MAST4: variants seen among roughly 807,000 people sequenced by gnomAD.
The protein encoded by MAST4 is microtubule-associated serine/threonine-protein kinase 4.
MAST4 carries 89 observed loss-of-function variants against 162.7 expected under a neutral mutation model. The observed-to-expected ratio is 0.55, with a 90% CI of 0.46 to 0.65. The LOEUF is 0.65. Ranked by LOEUF, MAST4 falls within the 30% of genes least tolerant of loss-of-function variation. The probability of loss-of-function intolerance (pLI) is 0.00; values close to 1 mark genes in which losing one functional copy is unlikely to be tolerated. For synonymous variants in MAST4, 1,479 were observed against 1,361.1 expected (o/e 1.09, Z -1.91); for missense variants, 3,153 against 3,374.0 (o/e 0.93, Z 1.62).
chr5:66,893,594 C>T (rs1267892283), intron 3 of MAST4, among the ~76,000 whole-genome samples: 1 of 152,024 alleles, frequency 6.6e-6, no homozygotes, highest in Non-Finnish European at 1.5e-5. Flanking sequence ...ATTATAGATA[C>T]AAAAAGAAAA....
chr5:66,601,499 T>A (rs1742548037), intron 1 of MAST4, among the ~76,000 whole-genome samples: 1 of 152,182 alleles, frequency 6.6e-6, no homozygotes, highest in African/African-American at 2.4e-5. Context: ...GCTGCACTTG[T>A]AAGTCACTGA....
intron 3 of MAST4, among the ~76,000 whole-genome samples, chr5:66,838,326 G>T (rs1183554368): frequency 1.3e-5 from 2 of 152,116 alleles, no homozygotes; most frequent in African/African-American, 2.4e-5. Flanking sequence ...TTTAGATTGT[G>T]AATGTATGTG....
At chr5:67,122,539 A>G (rs1287488670) in intron 14 of MAST4, among the ~76,000 whole-genome samples, 1 of 152,164 alleles carries the variant, frequency 6.6e-6, no homozygotes, top group Non-Finnish European at 1.5e-5. Flanking sequence ...TGTGGTTTCT[A>G]CTTGCTTATC....
chr5:66,738,608 G>A (rs543139197), intron 1 of MAST4, among the ~76,000 whole-genome samples: 117 of 152,296 alleles, frequency 7.7e-4, no homozygotes, highest in African/African-American at 2.4e-3. Flanking sequence ...TAGGTACGGC[G>A]GAGGAGAATA....
chr5:66,917,180 A>G, intron 4 of MAST4: 1 of 534,392 alleles, frequency 1.9e-6, no homozygotes, highest in East Asian at 2.9e-5. Flanking sequence ...TTTAAATTGC[A>G]TTTCCTTCAC....
chr5:66,913,929 A>G (rs1763938856), intron 4 of MAST4, among the ~76,000 whole-genome samples: 1 of 152,182 alleles, frequency 6.6e-6, no homozygotes, highest in African/African-American at 2.4e-5. Flanking sequence ...AACTTTTGTC[A>G]AAAATTAGTT....
chr5:66,688,104 C>A (rs1330788383), intron 1 of MAST4, among the ~76,000 whole-genome samples: 2 of 152,204 alleles, frequency 1.3e-5, no homozygotes, highest in African/African-American at 4.8e-5. Context: ...ATAGCCCACT[C>A]TCCATCTCTG....
intron 4 of MAST4, among the ~76,000 whole-genome samples, chr5:67,009,703 G>A (rs370083843): frequency 1.6e-4 from 25 of 152,228 alleles, no homozygotes; most frequent in South Asian, 6.2e-4. Context: ...GTGAAGCTGC[G>A]GAGGAGAGCT....
chr5:66,873,182 C>T (rs1218909604), intron 3 of MAST4, among the ~76,000 whole-genome samples: 1 of 152,268 alleles, frequency 6.6e-6, no homozygotes. Context: ...TAAAAGGTCA[C>T]ATTCTTTCCT....
At chr5:66,833,348 T>C (rs1390629061) in intron 3 of MAST4, among the ~76,000 whole-genome samples, 1 of 152,178 alleles carries the variant, frequency 6.6e-6, no homozygotes, top group Non-Finnish European at 1.5e-5. Context: ...CCTAACTTCT[T>C]GCACACCTGG....
intron 1 of MAST4, among the ~76,000 whole-genome samples, chr5:66,664,907 C>G (rs1004599934): frequency 6.6e-6 from 1 of 152,064 alleles, no homozygotes; most frequent in African/African-American, 2.4e-5. Context: ...TTAGACTCAC[C>G]TGAAAAGAGA....
chr5:67,053,572 A>G (rs1390618251), intron 4 of MAST4, among the ~76,000 whole-genome samples: 2 of 152,246 alleles, frequency 1.3e-5, no homozygotes, highest in Admixed American at 1.3e-4. Flanking sequence ...TCTATTTTGA[A>G]GAAAAGCAAA....
intron 4 of MAST4, among the ~76,000 whole-genome samples, chr5:66,945,180 G>C (rs1399569691): frequency 6.6e-6 from 1 of 152,114 alleles, no homozygotes; most frequent in Non-Finnish European, 1.5e-5. Flanking sequence ...TTATAAAGGA[G>C]TAAAACTTAA....
rs1462601830 is a variant in MAST4, at chr5:66,973,672, C to T, written c.674+73690C>T. ...ACAAGATTTCACCCAGTGGTTTTTGCTTTCATTGATGACCTTGCTCAAATC... is the reference window on the plus strand; with the variant it reads ...ACAAGATTTCACCCAGTGGTTTTTGTTTTCATTGATGACCTTGCTCAAATC... On this transcript the variant is annotated intron_variant, in intron 4 of 28. Coordinates refer to ENST00000403625, the MANE Select transcript of MAST4 (RefSeq NM_001164664.2). 3.3e-5 allele frequency among the ~76,000 whole-genome samples: 5 copies of T among 152,142 alleles called. No homozygotes were observed. The East Asian group carries it at 9.7e-4, about 29-fold the overall frequency.
At chr5:66,976,832 T>A (rs1263375820) in intron 4 of MAST4, among the ~76,000 whole-genome samples, 1 of 152,122 alleles carries the variant, frequency 6.6e-6, no homozygotes. Flanking sequence ...TTAGCTCAGT[T>A]TGAGATTAAA....
chr5:66,864,194 G>A (rs1972739), intron 3 of MAST4, among the ~76,000 whole-genome samples: 59,750 of 147,942 alleles, frequency 0.4, 13,924 homozygotes, highest in Non-Finnish European at 0.53. Flanking sequence ...AATAATAAAT[G>A]TTATAATGTA....
At chr5:67,131,714 T>C (rs1768990991) in intron 15 of MAST4, 99 bp from the exon 16 acceptor site, 2 of 1,195,896 alleles carry the variant, frequency 1.7e-6, no homozygotes, top group Non-Finnish European at 1.2e-6. Flanking sequence ...GCTGTGTCTA[T>C]GGGTAGAGAT....
chr5:67,081,083 ATTATATAATATATAATTGTATAT>A (rs1762593452), intron 5 of MAST4, among the ~76,000 whole-genome samples: 1 of 75,040 alleles, frequency 1.3e-5, no homozygotes, highest in African/African-American at 1.1e-4. Context: ...AATTGTATAT[ATTATATAATATATAATTGTATAT>A]ATTATATATT....
In MAST4 at chr5:67,157,992, A is replaced by G. The variant is rs116972757; in HGVS notation, c.3649-2464A>G. On this transcript the variant is annotated intron_variant, in intron 26 of 28. Coordinates refer to ENST00000403625, the MANE Select transcript of MAST4 (RefSeq NM_001164664.2). ...CAGCTCTAGTGGCACACATGGTAGT[A>G]TAGCCCCAGCGGTCATTATGGTTCT... Among the ~76,000 whole-genome samples the G allele has an allele frequency of 1.1e-4, 17 of 152,362 alleles. No homozygotes were observed. In the East Asian group the frequency reaches 3.3e-3, roughly 29 times the overall value.
Sources: gnomAD v4.1 joint callset for allele counts (sites outside exome capture counted in the v4.1 genomes callset) on GRCh38, gnomAD v4.1.1 for gene constraint, MANE v1.5 for transcripts, NCBI Gene and HGNC (gene_info 2026-07-23, HGNC 2026-07-21) for gene names.